PADI4: variants seen among roughly 807,000 people sequenced by gnomAD.
The protein encoded by PADI4 is protein-arginine deiminase type-4.
PADI4 carries 62 observed loss-of-function variants against 75.0 expected under a neutral mutation model. The observed-to-expected ratio is 0.83, with a 90% CI of 0.67 to 1.02. PADI4 has a LOEUF of 1.02. Ranked by LOEUF, PADI4 falls within the 50% of genes least tolerant of loss-of-function variation. The pLI is 0.00. For missense variants in PADI4, 845 were observed against 850.5 expected (o/e 0.99, Z 0.08); for synonymous variants, 361 against 348.1 (o/e 1.04, Z -0.41).
chr1:17,308,459 G>C, intron 1 of PADI4, 145 bp downstream of exon 1: 2 of 657,226 alleles, frequency 3.0e-6, no homozygotes, highest in Non-Finnish European at 2.7e-6. Flanking sequence ...GGAGAGAGAA[G>C]ACCCCAGCAG....
At chr1:17,311,284 G>A (rs987751398) in intron 1 of PADI4, among the ~76,000 whole-genome samples, 5 of 151,900 alleles carry the variant, frequency 3.3e-5, no homozygotes, top group Admixed American at 6.6e-5. Flanking sequence ...AGTTAAAGGT[G>A]GCAAAGCCAG....
Position 17,348,095 on chromosome 1 carries a change from G to T in PADI4, c.1155+47G>T, listed in dbSNP as rs1437824672. Reference sequence around the variant, plus strand: ...GGGGCACAGCTGCCGAAACCCTCTTGTCTTGAGACTCCCTCCTTTTAGCCT... The same window carrying T: ...GGGGCACAGCTGCCGAAACCCTCTTTTCTTGAGACTCCCTCCTTTTAGCCT... On this transcript the variant is annotated intron_variant, in intron 10 of 15. Coordinates refer to ENST00000375448, the MANE Select transcript of PADI4 (RefSeq NM_012387.3). 5.0e-6 allele frequency: 6 copies of T among 1,198,596 alleles called. No homozygotes were observed. The Admixed American group carries it at 1.0e-4, about 20-fold the overall frequency. The allele number at this position is 1,198,596 out of a possible 1,614,324, so 74.2% of individuals were successfully genotyped here. A position where few individuals can be genotyped will look rare whatever the true frequency, so the allele number is the denominator to read the frequency against.
At chr1:17,323,250 GC>G (rs2074061733) in intron 1 of PADI4, among the ~76,000 whole-genome samples, 7 of 30,130 alleles carry the variant, frequency 2.3e-4, no homozygotes, top group Non-Finnish European at 3.4e-4. Context: ...CAAGAGACAG[GC>G]AGAGAGAGAG....
intron 15 of PADI4, among the ~76,000 whole-genome samples, chr1:17,362,351 CAAAA>C (rs34897407): frequency 1.2e-4 from 13 of 107,322 alleles, no homozygotes; most frequent in Non-Finnish European, 9.3e-5. Context: ...GACCCTGTCT[CAAAA>C]AAAAAAAAAA....
chr1:17,345,997 C>A, intron 8 of PADI4, 31 bp from the exon 9 acceptor site: 3 of 1,381,248 alleles, frequency 2.2e-6, no homozygotes, highest in South Asian at 1.2e-5. Context: ...AATTCCAGAG[C>A]ACTAAGGAGC....
At chr1:17,309,174 A>G (rs59453596) in intron 1 of PADI4, among the ~76,000 whole-genome samples, 168 of 2,826 alleles carry the variant, frequency 0.059, no homozygotes, top group East Asian at 0.5. Flanking sequence ...TTTCCCTGGA[A>G]AAAAAAAAAA....
rs983662511 is a variant in PADI4 at position 17,333,835 on chromosome 1, C to T, written c.274-108C>T. The T allele has an allele frequency of 2.1e-5, 17 of 796,340 alleles. No homozygotes were observed. In the African/African-American group the frequency reaches 2.5e-4, roughly 12 times the overall value. 49.3% of individuals were successfully genotyped at this position (796,340 alleles called of 1,614,324 possible). On this transcript the variant is annotated intron_variant, in intron 2 of 15. Transcript: ENST00000375448. The stretch of plus-strand genomic sequence containing the variant: ...CTTACAGGCTAGGACCAGTTCTTGC[C>T]CAACTTTGTCTCCCCAGTGCCCTAC...
At position 17,346,194 on chromosome 1, in the gene PADI4, T is replaced by A. The variant is rs2074513292; in HGVS notation, c.1047+55T>A. 1 of 1,196,616 alleles carries A rather than the reference T, an allele frequency of 8.4e-7. No individual in the cohort carries two copies. Among genetic ancestry groups the A allele is most frequent in the Non-Finnish European group, 1.2e-6 (1 of 809,238 alleles). The allele number at this position is 1,196,616 out of a possible 1,614,324, so 74.1% of individuals were successfully genotyped here. A position where few individuals can be genotyped will look rare whatever the true frequency, so the allele number is the denominator to read the frequency against. On this transcript the variant is annotated intron_variant, in intron 9 of 15. Transcript: ENST00000375448. This position sits in a 1 kb window ranked among gnomAD's most constrained non-coding sequence, Gnocchi z 4.3. ...CTGTCCCTGAGGGCCAAGAGACACT[T>A]GGGGGACCCGGGCTCCTGGGGTTCA...
chr1:17,325,808 A>G (rs1434573913), intron 1 of PADI4, among the ~76,000 whole-genome samples: 1 of 151,962 alleles, frequency 6.6e-6, no homozygotes, highest in African/African-American at 2.4e-5. Flanking sequence ...TCCCAGGTTC[A>G]AACGATTCTC....
intron 15 of PADI4, 120 bp downstream of exon 15, chr1:17,359,528 C>CT (rs760179804): frequency 9.4e-6 from 13 of 1,386,580 alleles, no homozygotes; most frequent in Non-Finnish European, 1.3e-5. Flanking sequence ...CCGTTTGTAG[C>CT]TTTGTCCTGA....
chr1:17,328,208 CA>C (rs917612220), intron 1 of PADI4, among the ~76,000 whole-genome samples: 5 of 151,642 alleles, frequency 3.3e-5, no homozygotes, highest in Non-Finnish European at 5.9e-5. Context: ...ATTTTTTGTA[CA>C]GACAGGATCT....
At chr1:17,358,766 C>T in intron 13 of PADI4, 72 bp from the exon 14 acceptor site, 4 of 955,062 alleles carry the variant, frequency 4.2e-6, no homozygotes, top group African/African-American at 1.6e-5. Flanking sequence ...GAGTCCCCCC[C>T]CGGCACTGGC....
chr1:17,328,289 G>A (rs1037522831), intron 1 of PADI4, among the ~76,000 whole-genome samples: 7 of 151,800 alleles, frequency 4.6e-5, no homozygotes, highest in Admixed American at 1.3e-4. Context: ...CTCCCAAAGC[G>A]CTGGGATTAT....
chr1:17,327,751 G>T (rs913971378), intron 1 of PADI4, among the ~76,000 whole-genome samples: 9 of 151,706 alleles, frequency 5.9e-5, no homozygotes, highest in Admixed American at 2.6e-4. Context: ...TTGCCACGTT[G>T]GCCAGGCCGG....
At position 17,338,088 on chromosome 1, in the gene PADI4, C is replaced by T; in HGVS notation, c.459C>T (p.Asn153=). Residue 153 remains asparagine, a synonymous_variant, in exon 5 of 16, where the codon AAC becomes AAT. Transcript: ENST00000375448. Reference sequence around the variant, plus strand: ...GACAGGGTGCCATCCTGCTGGTGAACTGTGACAGAGACAATCTCGAATCTT... The same window carrying T: ...GACAGGGTGCCATCCTGCTGGTGAATTGTGACAGAGACAATCTCGAATCTT... ...PCGQGAILLV[N]CDRDNLESSA... The T allele has an allele frequency of 6.2e-7, 1 of 1,613,718 alleles. No individual in the cohort carries two copies. Among genetic ancestry groups the T allele is most frequent in the Non-Finnish European group, 8.5e-7 (1 of 1,179,728 alleles).
At chr1:17,311,677 A>C (rs2073832565) in intron 1 of PADI4, among the ~76,000 whole-genome samples, 1 of 152,060 alleles carries the variant, frequency 6.6e-6, no homozygotes, top group Admixed American at 6.6e-5. Context: ...GGCGCCTGCC[A>C]CCATGCCTGG....
rs769999262 is a variant in PADI4 at position 17,354,557 on chromosome 1, C to T, written c.1180C>T (p.Arg394Ter). The T allele has an allele frequency of 2.4e-5, 39 of 1,613,970 alleles. No homozygotes were observed. The highest frequency in any genetic ancestry group is 5.0e-5 in the Admixed American group (3 of 59,996). The change falls in exon 11 of 16, where the codon CGA (arginine) becomes TGA (stop). Residue 394 changes from arginine (R) to a stop codon, truncating the protein, a stop_gained. Transcript: ENST00000375448. LOFTEE classifies it high-confidence loss of function. ...GGGTCCAGATTTTGGCTATGTAACT[C>T]GAGGGCCCCAAACAGGGGGTATCAG... Reference protein sequence around the residue: ...VMGPDFGYVTRGPQTGGISGL... With the variant: ...VMGPDFGYVT
intron 1 of PADI4, among the ~76,000 whole-genome samples, chr1:17,317,608 A>G (rs768049161): frequency 6.6e-6 from 1 of 152,110 alleles, no homozygotes; most frequent in Non-Finnish European, 1.5e-5. Context: ...GCATCATGGC[A>G]TGGTTCCCTC....
At chr1:17,336,032 G>T in intron 3 of PADI4, 127 bp from the exon 4 acceptor site, 1 of 660,014 alleles carries the variant, frequency 1.5e-6, no homozygotes, top group South Asian at 1.7e-5. Context: ...TCTGAAGGAC[G>T]GGAAGAGGGG....
Sources: gnomAD v4.1 joint callset for allele counts (sites outside exome capture counted in the v4.1 genomes callset) on GRCh38, gnomAD v4.1.1 for gene constraint, Gnocchi (gnomAD v3.1) non-coding constraint, MANE v1.5 for transcripts, NCBI Gene and HGNC (gene_info 2026-07-23, HGNC 2026-07-21) for gene names.